ADAP2: variants seen among roughly 807,000 people sequenced by gnomAD.
ADAP2 encodes ArfGAP with dual PH domains 2.
Under a neutral mutation model 54.9 loss-of-function variants are expected in ADAP2, and 42 were observed. The ratio of observed to expected loss-of-function variants is 0.77; its 90% CI spans 0.60 to 0.99. ADAP2 has a LOEUF of 0.99. ADAP2 is among the 50% of genes least tolerant of loss of function. The pLI is 0.00. For synonymous variants in ADAP2, 177 were observed against 180.1 expected, an observed-to-expected ratio of 0.98 and a Z score of 0.14; for missense variants, 429 against 480.4, an observed-to-expected ratio of 0.89 and a Z score of 1.00.
intron 5 of ADAP2, among the ~76,000 whole-genome samples, chr17:30,941,698 G>C (rs930891456): frequency 6.6e-6 from 1 of 152,098 alleles, no homozygotes; most frequent in Non-Finnish European, 1.5e-5. Flanking sequence ...TTGTATAAGA[G>C]TATTATATGA....
At position 30,956,451 on chromosome 17, in the gene ADAP2, A is replaced by C; in HGVS notation, c.1093A>C (p.Thr365Pro). 6.2e-7 allele frequency: 1 copy of C among 1,614,122 alleles called. No homozygotes were observed. The highest frequency in any genetic ancestry group is 8.5e-7 in the Non-Finnish European group (1 of 1,180,012). The change falls in exon 10 of 11, where the codon ACG becomes CCG. Residue 365 changes from threonine to proline, a missense_variant. Physicochemically the swap from Thr to Pro is conservative, Grantham distance 38. Coordinates refer to ENST00000330889, the MANE Select transcript of ADAP2 (RefSeq NM_018404.3). ...SLRGVLSSPL[T>P]PLNRLTASTE... Reference sequence around the variant, plus strand: ...GCGGGGTGTCCTGTCCAGCCCCTTGACGCCCCTCAACCGGCTTAGTAAGAA... The same window carrying C: ...GCGGGGTGTCCTGTCCAGCCCCTTGCCGCCCCTCAACCGGCTTAGTAAGAA...
At chr17:30,926,203 T>C (rs1911048740) in intron 2 of ADAP2, among the ~76,000 whole-genome samples, 1 of 152,210 alleles carries the variant, frequency 6.6e-6, no homozygotes, top group Admixed American at 6.5e-5. Flanking sequence ...CCAAGCGATG[T>C]GAATTGAAAA....
In ADAP2 at chr17:30,958,297, A is replaced by G. The variant is rs1052527728; in HGVS notation, c.*428A>G. 6.2e-5 allele frequency: 11 copies of G among 176,056 alleles called. No individual in the cohort carries two copies. The East Asian group carries it at 1.7e-3, about 27-fold the overall frequency. The allele number at this position is 176,056 out of a possible 1,614,324, so 10.9% of individuals were successfully genotyped here. On this transcript the variant is annotated 3_prime_UTR_variant, in exon 11 of 11. Coordinates refer to ENST00000330889, the MANE Select transcript of ADAP2 (RefSeq NM_018404.3). Reference sequence around the variant, plus strand: ...CCACATTAGGGGCATTCTGCTAAACATCTGACCCAGACTCTTCAAAAATGA... The same window carrying G: ...CCACATTAGGGGCATTCTGCTAAACGTCTGACCCAGACTCTTCAAAAATGA...
chr17:30,942,587 CAATA>C (rs1390722898), intron 5 of ADAP2, among the ~76,000 whole-genome samples: 1 of 152,156 alleles, frequency 6.6e-6, no homozygotes, highest in Non-Finnish European at 1.5e-5. Flanking sequence ...GGAACAATCT[CAATA>C]TATATATCGG....
chr17:30,954,459 G>T lies in ADAP2; in HGVS notation c.805-19G>T. The stretch of plus-strand genomic sequence containing the variant: ...AAACTGACCTGGTCATCTGTGGTAA[G>T]AAGTTCCCTCTTTTGCAGCAGAAAG... On this transcript the variant is annotated intron_variant, in intron 8 of 10. Coordinates refer to ENST00000330889, the MANE Select transcript of ADAP2 (RefSeq NM_018404.3). 6.2e-7 allele frequency: 1 copy of T among 1,612,592 alleles called. No homozygotes were observed. The highest frequency in any genetic ancestry group is 1.1e-5 in the South Asian group (1 of 91,048).
intron 3 of ADAP2, among the ~76,000 whole-genome samples, chr17:30,931,174 A>C (rs1223915673): frequency 2.0e-5 from 3 of 152,120 alleles, no homozygotes; most frequent in Non-Finnish European, 4.4e-5. Context: ...CAGGTGGTGT[A>C]GATGGTCCAG....
intron 5 of ADAP2, 134 bp downstream of exon 5, chr17:30,934,431 C>T (rs79677514): frequency 0.025 from 15,381 of 621,784 alleles, 292 homozygotes; most frequent in Admixed American, 0.08. Flanking sequence ...CATTTGGCTA[C>T]TTTTCCTTGG....
Position 30,958,886 on chromosome 17 carries a change from T to TC in ADAP2, c.*1018dup, listed in dbSNP as rs1489046647. 2 of 131,442 alleles carry TC rather than the reference T, an allele frequency of 1.5e-5. No individual in the cohort carries two copies. The highest frequency in any genetic ancestry group is 8.2e-5 in the African/African-American group (2 of 24,470). The allele number at this position is 131,442 out of a possible 1,614,324, so 8.1% of individuals were successfully genotyped here. A position where few individuals can be genotyped will look rare whatever the true frequency, so the allele number is the denominator to read the frequency against. Reference sequence around the variant, plus strand: ...CTGGGTGACAGAGTGAGACCCTATCTCAAAAAAAAAAAAAATCTATGCATT... The same window carrying TC: ...CTGGGTGACAGAGTGAGACCCTATCTCCAAAAAAAAAAAAAATCTATGCATT... On this transcript the variant is annotated 3_prime_UTR_variant, in exon 11 of 11. Transcript: ENST00000330889.
At chr17:30,931,828 C>CAAA (rs369963418) in intron 3 of ADAP2, 61 bp from the exon 4 acceptor site, 357 of 1,030,170 alleles carry the variant, frequency 3.5e-4, no homozygotes, top group African/African-American at 5.0e-4. Context: ...GACCCTGTCT[C>CAAA]AAAAAAAAAA....
intron 2 of ADAP2, among the ~76,000 whole-genome samples, chr17:30,926,353 G>A (rs957602362): frequency 6.6e-6 from 1 of 152,172 alleles, no homozygotes; most frequent in African/African-American, 2.4e-5. Flanking sequence ...CATGAGGCGA[G>A]CACCCACTTC....
At chr17:30,952,694 G>C (rs1214732793) in intron 7 of ADAP2, among the ~76,000 whole-genome samples, 2 of 152,106 alleles carry the variant, frequency 1.3e-5, no homozygotes, top group African/African-American at 4.8e-5. Flanking sequence ...TTATTTTCTT[G>C]TTGCTTGGTG....
intron 7 of ADAP2, among the ~76,000 whole-genome samples, chr17:30,950,561 A>G (rs904976214): frequency 1.3e-5 from 2 of 152,214 alleles, no homozygotes; most frequent in African/African-American, 2.4e-5. Flanking sequence ...AGAGGATTTT[A>G]TAAGTGATGG....
intron 6 of ADAP2, among the ~76,000 whole-genome samples, chr17:30,947,096 G>A (rs7220011): frequency 0.011 from 1,601 of 152,306 alleles, 29 homozygotes; most frequent in African/African-American, 0.036. Context: ...GGGCATAAAT[G>A]AGGGCTCCAG....
At position 30,944,859 on chromosome 17, in the gene ADAP2, G is replaced by A. The variant is rs371866704; in HGVS notation, c.511-48G>A. ...AGGCCTTGGTGAAGGTTGACCAGAA[G>A]TCACCCTGTGGACTGTCAGCGTCTT... On this transcript the variant is annotated intron_variant, in intron 5 of 10. Transcript: ENST00000330889. 4 of 1,590,770 alleles carry A rather than the reference G, an allele frequency of 2.5e-6. No individual in the cohort carries two copies. In the African/African-American group the frequency reaches 5.4e-5, roughly 22 times the overall value.
At chr17:30,950,879 G>A (rs1904576006) in intron 7 of ADAP2, among the ~76,000 whole-genome samples, 1 of 152,232 alleles carries the variant, frequency 6.6e-6, no homozygotes, top group African/African-American at 2.4e-5. Context: ...CAGATGCTCA[G>A]CCTTATTTAA....
intron 5 of ADAP2, among the ~76,000 whole-genome samples, chr17:30,935,569 C>T (rs1023626323): frequency 6.6e-6 from 1 of 152,038 alleles, no homozygotes; most frequent in African/African-American, 2.4e-5. Flanking sequence ...ACAGTATGTG[C>T]AGAAGCCCTG....
intron 5 of ADAP2, among the ~76,000 whole-genome samples, chr17:30,936,487 C>T (rs1445409459): frequency 6.6e-6 from 1 of 152,040 alleles, no homozygotes; most frequent in East Asian, 1.9e-4. Context: ...TTATAATAGC[C>T]GTCTTCATGG....
At position 30,956,249 on chromosome 17, in the gene ADAP2, C is replaced by T. The variant is rs547065779; in HGVS notation, c.891C>T (p.Phe297=). The change falls in exon 10 of 11, where the codon TTC becomes TTT. Residue 297 remains phenylalanine, a synonymous_variant. Transcript: ENST00000330889. ...GTACTCTCCATTTTCAGGATGCCTT[C>T]GAGCAGGGCCAGGTTTTTCTTGGGA... is the stretch of plus-strand genomic sequence containing the variant. ...LLYYKNPLDA[F]EQGQVFLGNK... is the part of the protein sequence containing the mutation. 18 of 1,613,974 alleles carry T rather than the reference C, an allele frequency of 1.1e-5. No individual in the cohort carries two copies. Among genetic ancestry groups the T allele is most frequent in the South Asian group, 1.1e-4 (10 of 91,080 alleles).
At chr17:30,948,050 C>T (rs1454957952) in intron 6 of ADAP2, among the ~76,000 whole-genome samples, 1 of 152,100 alleles carries the variant, frequency 6.6e-6, no homozygotes, top group Non-Finnish European at 1.5e-5. Context: ...ATTACAACAT[C>T]AAAACTAACC....
Sources: gnomAD v4.1 joint callset for allele counts (sites outside exome capture counted in the v4.1 genomes callset) on GRCh38, gnomAD v4.1.1 for gene constraint, MANE v1.5 for transcripts, NCBI Gene and HGNC (gene_info 2026-07-23, HGNC 2026-07-21) for gene names.